RUNDC3B: variants seen among roughly 807,000 people sequenced by gnomAD.
RUNDC3B encodes the protein RUN domain-containing protein 3B.
In RUNDC3B, 33 loss-of-function variants were observed where a neutral mutation model predicts 58.4. The observed-to-expected ratio is 0.56, with a 90% CI of 0.43 to 0.75. The LOEUF (loss-of-function observed/expected upper bound fraction) is 0.75, where lower values mean the gene tolerates loss of function less well. Among genes scored for constraint, RUNDC3B ranks in the 30% least tolerant of loss-of-function variants. RUNDC3B has a pLI of 0.00. For missense variants in RUNDC3B, 501 were observed against 535.7 expected, an observed-to-expected ratio of 0.94 and a Z score of 0.64; for synonymous variants, 193 against 195.2, an observed-to-expected ratio of 0.99 and a Z score of 0.10.
intron 10 of RUNDC3B, among the ~76,000 whole-genome samples, chr7:87,820,305 C>T (rs992567515): frequency 2.6e-5 from 4 of 152,140 alleles, no homozygotes; most frequent in Admixed American, 1.3e-4. Flanking sequence ...GGATAAATTC[C>T]TCGACACATA....
At chr7:87,675,726 C>A (rs562746365) in intron 2 of RUNDC3B, among the ~76,000 whole-genome samples, 4 of 148,464 alleles carry the variant, frequency 2.7e-5, no homozygotes, top group Non-Finnish European at 4.5e-5. Context: ...AGAAATCGGA[C>A]CTTTCTCTTA....
intron 2 of RUNDC3B, chr7:87,694,095 T>C: frequency 6.8e-7 from 1 of 1,473,856 alleles, no homozygotes; most frequent in Non-Finnish European, 8.9e-7. Context: ...TTTTTGTGTG[T>C]TTTTGTTTTT....
chr7:87,807,573 T>C, intron 9 of RUNDC3B, 54 bp downstream of exon 9: 1 of 1,268,572 alleles, frequency 7.9e-7, no homozygotes, highest in Non-Finnish European at 1.2e-6. Context: ...TACCAAAACA[T>C]ATGGCTATCT....
intron 3 of RUNDC3B, among the ~76,000 whole-genome samples, chr7:87,702,580 C>T (rs1312482628): frequency 6.6e-6 from 1 of 152,058 alleles, no homozygotes; most frequent in African/African-American, 2.4e-5. Context: ...ATGACCAACT[C>T]ATTATTTTTG....
chr7:87,650,437 A>G (rs915459027), intron 1 of RUNDC3B, among the ~76,000 whole-genome samples: 4 of 152,146 alleles, frequency 2.6e-5, no homozygotes, highest in Non-Finnish European at 5.9e-5. Context: ...GTGTCTTTAC[A>G]TGGCAGAAGA....
intron 4 of RUNDC3B, among the ~76,000 whole-genome samples, chr7:87,739,052 A>C (rs1832161781): frequency 6.6e-6 from 1 of 151,964 alleles, no homozygotes; most frequent in East Asian, 1.9e-4. Flanking sequence ...GTTTTAAAAG[A>C]AGTAGATTAA....
intron 2 of RUNDC3B, among the ~76,000 whole-genome samples, chr7:87,674,127 T>G (rs987763597): frequency 2.0e-5 from 3 of 152,164 alleles, no homozygotes; most frequent in Non-Finnish European, 4.4e-5. Context: ...AATACTCCTA[T>G]GGGTGGTACC....
At chr7:87,786,146 G>T (rs1435991892) in intron 8 of RUNDC3B, among the ~76,000 whole-genome samples, 1 of 152,030 alleles carries the variant, frequency 6.6e-6, no homozygotes, top group East Asian at 1.9e-4. Context: ...GTGTTTCCTG[G>T]CTATATCTAA....
At chr7:87,719,722 G>A (rs1004554504) in intron 4 of RUNDC3B, among the ~76,000 whole-genome samples, 1 of 151,782 alleles carries the variant, frequency 6.6e-6, no homozygotes, top group African/African-American at 2.4e-5. Context: ...ACACTGAGGT[G>A]ATGAGGAGAT....
chr7:87,710,465 A>G (rs2130740187), intron 3 of RUNDC3B, 105 bp from the exon 4 acceptor site: 2 of 654,098 alleles, frequency 3.1e-6, no homozygotes, highest in South Asian at 3.8e-5. Context: ...TATCAAATGT[A>G]TATTTTGAAT....
intron 10 of RUNDC3B, among the ~76,000 whole-genome samples, chr7:87,824,750 C>G (rs936391173): frequency 6.6e-6 from 1 of 152,088 alleles, no homozygotes; most frequent in Non-Finnish European, 1.5e-5. Context: ...ATGAGGTGGT[C>G]TCAGATGGAG....
intron 9 of RUNDC3B, among the ~76,000 whole-genome samples, chr7:87,814,398 C>T (rs910018435): frequency 1.3e-5 from 2 of 152,136 alleles, no homozygotes; most frequent in Non-Finnish European, 2.9e-5. Flanking sequence ...CCACGCCCGG[C>T]CGGAGAATTA....
chr7:87,783,899 G>A (rs1835073293), intron 8 of RUNDC3B, among the ~76,000 whole-genome samples: 1 of 152,036 alleles, frequency 6.6e-6, no homozygotes. Flanking sequence ...CCCTTTGTAA[G>A]TGATATGACC....
chr7:87,689,865 T>C (rs1827852018), intron 2 of RUNDC3B, among the ~76,000 whole-genome samples: 1 of 152,212 alleles, frequency 6.6e-6, no homozygotes, highest in South Asian at 2.1e-4. Context: ...TTTGTTCTAA[T>C]ATGTAGCCTA....
intron 2 of RUNDC3B, among the ~76,000 whole-genome samples, chr7:87,687,844 G>A (rs948853335): frequency 3.9e-5 from 6 of 152,122 alleles, no homozygotes; most frequent in Non-Finnish European, 7.4e-5. Flanking sequence ...ACCTCCCCAT[G>A]AGGCCATCTT....
chr7:87,777,538 T>G (rs1049592097), intron 7 of RUNDC3B, among the ~76,000 whole-genome samples: 1 of 152,244 alleles, frequency 6.6e-6, no homozygotes, highest in Non-Finnish European at 1.5e-5. Flanking sequence ...GTTGTGAAGC[T>G]TAGAAATTAC....
intron 1 of RUNDC3B, among the ~76,000 whole-genome samples, chr7:87,648,190 A>C (rs373948306): frequency 2.0e-5 from 3 of 151,406 alleles, no homozygotes; most frequent in East Asian, 3.9e-4. Context: ...GTCTCAAAAA[A>C]AAAAAAAAAA....
chr7:87,641,597 G>A (rs764397799), intron 1 of RUNDC3B, among the ~76,000 whole-genome samples: 3 of 152,160 alleles, frequency 2.0e-5, no homozygotes, highest in Admixed American at 1.3e-4. Flanking sequence ...AAAGCTGGCC[G>A]ACAGCTGTGA....
intron 7 of RUNDC3B, among the ~76,000 whole-genome samples, chr7:87,775,079 A>C (rs940058487): frequency 1.3e-5 from 2 of 152,224 alleles, no homozygotes; most frequent in Non-Finnish European, 2.9e-5. Context: ...AAAACAAAAA[A>C]GTTAAATGTT....
Sources: gnomAD v4.1 joint callset for allele counts (sites outside exome capture counted in the v4.1 genomes callset) on GRCh38, gnomAD v4.1.1 for gene constraint, MANE v1.5 for transcripts, NCBI Gene and HGNC (gene_info 2026-07-23, HGNC 2026-07-21) for gene names.